The following VKORC1L1 variants were observed in gnomAD, a reference collection of about 807,000 sequenced individuals.
The protein encoded by VKORC1L1 is vitamin K epoxide reductase complex subunit 1-like protein 1.
Under a neutral mutation model 18.9 loss-of-function variants are expected in VKORC1L1, and 2 were observed. That is an observed-to-expected ratio of 0.11 (90% CI 0.04 to 0.33). The LOEUF (loss-of-function observed/expected upper bound fraction) is 0.33. VKORC1L1 is among the 10% of genes least tolerant of loss of function. VKORC1L1 has a pLI of 1.00. For synonymous variants in VKORC1L1, 96 were observed against 100.0 expected, an observed-to-expected ratio of 0.96 and a Z score of 0.24; for missense variants, 123 against 224.1, an observed-to-expected ratio of 0.55 and a Z score of 2.88.
intron 1 of VKORC1L1, among the ~76,000 whole-genome samples, chr7:65,883,244 C>T (rs1472176343): frequency 2.0e-5 from 3 of 147,314 alleles, no homozygotes; most frequent in East Asian, 2.1e-4. Flanking sequence ...CAGCTTCAAG[C>T]GATTTTCCTG....
chr7:65,922,902 G>T (rs1346503320), intron 1 of VKORC1L1, among the ~76,000 whole-genome samples: 1 of 151,916 alleles, frequency 6.6e-6, no homozygotes, highest in Non-Finnish European at 1.5e-5. Context: ...TCCTGCTTGG[G>T]GTTCAACTCT....
chr7:65,900,884 C>A (rs1789303583), intron 1 of VKORC1L1, among the ~76,000 whole-genome samples: 1 of 152,144 alleles, frequency 6.6e-6, no homozygotes, highest in Admixed American at 6.6e-5. Flanking sequence ...TGTATTCACC[C>A]TTTTCCCCTC....
chr7:65,945,551 G>T (rs2115724270), intron 1 of VKORC1L1, among the ~76,000 whole-genome samples: 1 of 152,120 alleles, frequency 6.6e-6, no homozygotes. Context: ...GGCGGAACTT[G>T]CAGTGAGCCG....
intron 1 of VKORC1L1, among the ~76,000 whole-genome samples, chr7:65,939,798 A>G (rs1790004786): frequency 6.6e-6 from 1 of 152,152 alleles, no homozygotes; most frequent in South Asian, 2.1e-4. Flanking sequence ...TGCTTCAGGG[A>G]TATGCTTCAG....
At chr7:65,873,594 G>A in intron 1 of VKORC1L1, 29 bp downstream of exon 1, 1 of 1,488,252 alleles carries the variant, frequency 6.7e-7, no homozygotes, top group African/African-American at 1.4e-5. Flanking sequence ...TGGGCCAGGA[G>A]CGGCCGAGCG....
chr7:65,929,739 T>G (rs187360592), intron 1 of VKORC1L1, among the ~76,000 whole-genome samples: 300 of 149,584 alleles, frequency 2.0e-3, no homozygotes, highest in Middle Eastern at 0.01. Context: ...AATTTTTTTT[T>G]GTAGAGACAG....
intron 1 of VKORC1L1, among the ~76,000 whole-genome samples, chr7:65,875,668 C>G (rs961856272): frequency 6.6e-6 from 1 of 150,580 alleles, no homozygotes; most frequent in East Asian, 2.0e-4. Context: ...CCGCCCTCCT[C>G]GGCCTCCCAA....
intron 2 of VKORC1L1, among the ~76,000 whole-genome samples, chr7:65,951,007 G>A (rs1790203354): frequency 6.6e-6 from 1 of 152,184 alleles, no homozygotes; most frequent in African/African-American, 2.4e-5. Context: ...TGAAGATAGA[G>A]GTGTGACAGC....
chr7:65,922,553 G>A (rs1460158772), intron 1 of VKORC1L1, among the ~76,000 whole-genome samples: 2 of 152,150 alleles, frequency 1.3e-5, no homozygotes, highest in African/African-American at 4.8e-5. Flanking sequence ...CAAAGTGCTG[G>A]GATTACAGGC....
Position 65,913,726 on chromosome 7 carries a change from C to CAAA in VKORC1L1, c.195-34931_195-34929dup, listed in dbSNP as rs566592339. On this transcript the variant is annotated intron_variant, in intron 1 of 2. Coordinates refer to ENST00000360768, the MANE Select transcript of VKORC1L1 (RefSeq NM_173517.6). ...TGAGCGACAGAGTGAGACTCTGTCT[C>CAAA]AAAAAAAAAAAAAAAAGGGAGGGGG... Among the ~76,000 whole-genome samples, 102 of 73,246 alleles carry CAAA rather than the reference C, an allele frequency of 1.4e-3. 1 individual carries two copies. Among genetic ancestry groups the CAAA allele is most frequent in the African/African-American group, 4.2e-3 (79 of 18,738 alleles). The allele number at this position is 73,246 out of a possible 152,430, so 48.1% of individuals were successfully genotyped here.
At chr7:65,890,505 G>C (rs928197360) in intron 1 of VKORC1L1, among the ~76,000 whole-genome samples, 3 of 152,102 alleles carry the variant, frequency 2.0e-5, no homozygotes, top group Non-Finnish European at 4.4e-5. Flanking sequence ...CTCACCTCAG[G>C]TTATCCACCT....
chr7:65,926,349 T>G (rs1340603088), intron 1 of VKORC1L1, among the ~76,000 whole-genome samples: 1 of 151,928 alleles, frequency 6.6e-6, no homozygotes, highest in Non-Finnish European at 1.5e-5. Flanking sequence ...AGAGACGGGG[T>G]TTCACCATAT....
chr7:65,887,552 A>G (rs1316980415), intron 1 of VKORC1L1, among the ~76,000 whole-genome samples: 1 of 151,704 alleles, frequency 6.6e-6, no homozygotes, highest in African/African-American at 2.4e-5. Context: ...CTTCCATTTT[A>G]TTTGTTAAAT....
At chr7:65,943,919 CAAAG>C (rs987048624) in intron 1 of VKORC1L1, among the ~76,000 whole-genome samples, 5 of 152,016 alleles carry the variant, frequency 3.3e-5, no homozygotes, top group South Asian at 2.1e-4. Context: ...ATTTAAACAA[CAAAG>C]AAAAAGCAAA....
At chr7:65,945,608 G>C (rs11979821) in intron 1 of VKORC1L1, among the ~76,000 whole-genome samples, 5,037 of 149,190 alleles carry the variant, frequency 0.034, 273 homozygotes, top group African/African-American at 0.12. Context: ...ATGAGACTCC[G>C]TCTCAAAAAA....
At chr7:65,934,215 G>C (rs1031192327) in intron 1 of VKORC1L1, among the ~76,000 whole-genome samples, 9 of 151,968 alleles carry the variant, frequency 5.9e-5, no homozygotes, top group African/African-American at 1.2e-4. Context: ...GGGCAACATA[G>C]TGAGACCCCC....
chr7:65,929,559 T>C (rs1191480089), intron 1 of VKORC1L1, among the ~76,000 whole-genome samples: 1 of 151,910 alleles, frequency 6.6e-6, no homozygotes, highest in Non-Finnish European at 1.5e-5. Context: ...ACCAACTTTA[T>C]TTTTCAAAAC....
intron 1 of VKORC1L1, among the ~76,000 whole-genome samples, chr7:65,875,767 T>C (rs1482144186): frequency 1.3e-5 from 2 of 152,312 alleles, no homozygotes; most frequent in Admixed American, 6.5e-5. Flanking sequence ...AAGTTAGTTT[T>C]TTTTGAGTGG....
chr7:65,873,956 G>A, intron 1 of VKORC1L1, among the ~76,000 whole-genome samples: 1 of 152,288 alleles, frequency 6.6e-6, no homozygotes. Flanking sequence ...GGCCGGGGGT[G>A]TGGGACCTTG....
Sources: gnomAD v4.1 joint callset for allele counts (sites outside exome capture counted in the v4.1 genomes callset) on GRCh38, gnomAD v4.1.1 for gene constraint, MANE v1.5 for transcripts, NCBI Gene and HGNC (gene_info 2026-07-23, HGNC 2026-07-21) for gene names.